ERC1: variants seen among roughly 807,000 people sequenced by gnomAD.
ERC1 encodes ELKS/RAB6-interacting/CAST family member 1, also known as RAB6 interacting protein 2.
Under a neutral mutation model 132.0 loss-of-function variants are expected in ERC1, and 56 were observed. The ratio of observed to expected loss-of-function variants is 0.42; its 90% CI spans 0.34 to 0.53. The LOEUF (loss-of-function observed/expected upper bound fraction) is 0.53. Ranked by LOEUF, ERC1 falls within the 20% of genes least tolerant of loss-of-function variation. The pLI is 0.03. For missense variants in ERC1, 1,202 were observed against 1,349.9 expected (o/e 0.89, Z 1.72); for synonymous variants, 478 against 476.1 (o/e 1.00, Z -0.05).
chr12:1,419,371 C>T (rs977418115), intron 17 of ERC1, among the ~76,000 whole-genome samples: 1 of 151,542 alleles, frequency 6.6e-6, no homozygotes, highest in Middle Eastern at 3.2e-3. Flanking sequence ...GTCCTGGATA[C>T]ATTTCTTTAT....
chr12:1,287,556 C>G (rs1203170643), intron 14 of ERC1, among the ~76,000 whole-genome samples: 1 of 152,190 alleles, frequency 6.6e-6, no homozygotes, highest in Non-Finnish European at 1.5e-5. Context: ...TAGAACAAAA[C>G]TCTGATCTTT....
At chr12:1,353,596 T>A (rs1488445968) in intron 15 of ERC1, among the ~76,000 whole-genome samples, 1 of 152,210 alleles carries the variant, frequency 6.6e-6, no homozygotes, top group African/African-American at 2.4e-5. Flanking sequence ...TTCAATGTGT[T>A]TAAACATAGG....
chr12:1,140,451 C>G (rs1478610627), intron 7 of ERC1, among the ~76,000 whole-genome samples: 1 of 152,096 alleles, frequency 6.6e-6, no homozygotes, highest in African/African-American at 2.4e-5. Flanking sequence ...ATCCGAAAAT[C>G]CAAAATGTTC....
At chr12:1,120,517 A>C (rs1443270122) in intron 7 of ERC1, among the ~76,000 whole-genome samples, 1 of 152,178 alleles carries the variant, frequency 6.6e-6, no homozygotes, top group Non-Finnish European at 1.5e-5. Context: ...CACTAGTAAC[A>C]CTGGGACTTT....
At chr12:1,145,240 C>G (rs1950242588) in intron 8 of ERC1, among the ~76,000 whole-genome samples, 1 of 152,174 alleles carries the variant, frequency 6.6e-6, no homozygotes, top group Non-Finnish European at 1.5e-5. Flanking sequence ...TGGTCTTGAA[C>G]TCCTGATCTC....
chr12:1,203,475 T>C (rs990929605), intron 12 of ERC1, among the ~76,000 whole-genome samples: 4 of 152,258 alleles, frequency 2.6e-5, no homozygotes, highest in Non-Finnish European at 5.9e-5. Context: ...GTCCTTCTTA[T>C]CTGTTTTTAT....
chr12:1,235,325 C>T (rs1157003195), intron 12 of ERC1, among the ~76,000 whole-genome samples: 3 of 152,174 alleles, frequency 2.0e-5, no homozygotes, highest in Non-Finnish European at 2.9e-5. Flanking sequence ...TGCCACTGCA[C>T]ACTAGCCTTG....
intron 15 of ERC1, among the ~76,000 whole-genome samples, chr12:1,346,921 C>T (rs887848528): frequency 2.2e-5 from 3 of 139,392 alleles, no homozygotes; most frequent in Admixed American, 1.5e-4. Context: ...CGCAGTCCGG[C>T]CTGGGCGACA....
intron 8 of ERC1, among the ~76,000 whole-genome samples, chr12:1,174,690 C>G (rs142565767): frequency 2.0e-5 from 3 of 152,284 alleles, no homozygotes; most frequent in African/African-American, 7.2e-5. Flanking sequence ...ATTAGGTAGG[C>G]TCATAAAACA....
At chr12:1,327,694 C>T (rs898449387) in intron 15 of ERC1, among the ~76,000 whole-genome samples, 1 of 152,190 alleles carries the variant, frequency 6.6e-6, no homozygotes, top group African/African-American at 2.4e-5. Flanking sequence ...AATATATGCT[C>T]ATGACGTCCA....
intron 2 of ERC1, among the ~76,000 whole-genome samples, chr12:1,029,220 C>T (rs561542019): frequency 9.2e-5 from 14 of 152,094 alleles, no homozygotes; most frequent in South Asian, 2.1e-4. Flanking sequence ...GGTGTGATGG[C>T]GTGTGCCTGT....
intron 17 of ERC1, chr12:1,430,152 C>A (rs1487478772): frequency 3.3e-5 from 5 of 152,110 alleles, no homozygotes; most frequent in Admixed American, 3.3e-4. Context: ...CATTGGGCTC[C>A]TGGATGTGGT....
intron 17 of ERC1, chr12:1,443,295 T>C (rs2093212197): frequency 6.6e-6 from 1 of 152,196 alleles, no homozygotes; most frequent in Admixed American, 6.5e-5. Context: ...ATATATTGTT[T>C]TCATAATAAA....
At chr12:1,237,961 T>G (rs2075537725) in intron 13 of ERC1, among the ~76,000 whole-genome samples, 1 of 152,250 alleles carries the variant, frequency 6.6e-6, no homozygotes. Context: ...CAACAAATTC[T>G]TTTAACATAT....
At chr12:1,020,288 C>T (rs1966153227) in intron 1 of ERC1, among the ~76,000 whole-genome samples, 1 of 152,116 alleles carries the variant, frequency 6.6e-6, no homozygotes, top group African/African-American at 2.4e-5. Context: ...GAAACCCCAT[C>T]TCTACTAAAA....
At chr12:1,379,059 A>G (rs1002393530) in intron 16 of ERC1, among the ~76,000 whole-genome samples, 1 of 152,236 alleles carries the variant, frequency 6.6e-6, no homozygotes, top group African/African-American at 2.4e-5. Context: ...TGTAATACAC[A>G]TAGGGAATTT....
intron 16 of ERC1, among the ~76,000 whole-genome samples, chr12:1,404,013 C>T (rs1298787506): frequency 6.6e-6 from 1 of 152,152 alleles, no homozygotes; most frequent in Non-Finnish European, 1.5e-5. Context: ...ATACCACATG[C>T]CATAAGAAAA....
At chr12:1,191,856 A>C (rs1955769448) in intron 12 of ERC1, among the ~76,000 whole-genome samples, 1 of 152,156 alleles carries the variant, frequency 6.6e-6, no homozygotes, top group South Asian at 2.1e-4. Flanking sequence ...TACTGGAAAA[A>C]AAAAAAAAAG....
At chr12:1,017,898 A>G (rs1965775573) in intron 1 of ERC1, among the ~76,000 whole-genome samples, 1 of 152,174 alleles carries the variant, frequency 6.6e-6, no homozygotes, top group African/African-American at 2.4e-5. Context: ...AGAGTTTAAT[A>G]GAGATTTTTT....
Sources: gnomAD v4.1 joint callset for allele counts (sites outside exome capture counted in the v4.1 genomes callset) on GRCh38, gnomAD v4.1.1 for gene constraint, MANE v1.5 for transcripts, NCBI Gene and HGNC (gene_info 2026-07-23, HGNC 2026-07-21) for gene names.